The following CBLB variants were observed in gnomAD, a reference collection of about 807,000 sequenced individuals.
CBLB encodes the protein E3 ubiquitin-protein ligase CBL-B.
A neutral mutation model predicts 104.9 loss-of-function variants in CBLB; 31 were observed. The ratio of observed to expected loss-of-function variants is 0.30; its 90% CI spans 0.22 to 0.40. The LOEUF is 0.40. Among genes scored for constraint, CBLB ranks in the 10% least tolerant of loss-of-function variants. The pLI, the probability that CBLB is intolerant of heterozygous loss-of-function variation, is 1.00. For synonymous variants in CBLB, 440 were observed against 422.6 expected (o/e 1.04, Z -0.51); for missense variants, 1,062 against 1,214.6 (o/e 0.87, Z 1.87).
chr3:105,836,237 C>T (rs2088472052), intron 3 of CBLB, among the ~76,000 whole-genome samples: 1 of 152,150 alleles, frequency 6.6e-6, no homozygotes, highest in South Asian at 2.1e-4. Flanking sequence ...TTTCTGAAAT[C>T]AAAAGATCCT....
intron 2 of CBLB, among the ~76,000 whole-genome samples, chr3:105,856,603 A>C (rs1044056444): frequency 1.3e-5 from 2 of 151,952 alleles, no homozygotes; most frequent in African/African-American, 4.8e-5. Flanking sequence ...TTTTTTTCAC[A>C]AATAGTTTGA....
intron 10 of CBLB, among the ~76,000 whole-genome samples, chr3:105,709,153 T>A (rs180956411): frequency 6.6e-6 from 1 of 152,098 alleles, no homozygotes; most frequent in Non-Finnish European, 1.5e-5. Context: ...CTTGGATTAT[T>A]TGCTATTATT....
chr3:105,868,660 G>A, intron 1 of CBLB, 76 bp downstream of exon 1: 1 of 953,694 alleles, frequency 1.0e-6, no homozygotes. Context: ...TTCCTCCTTG[G>A]CCCGCGCCTG....
Position 105,679,113 on chromosome 3 carries a change from C to T in CBLB, c.2429-542G>A, listed in dbSNP as rs966472185. Among the ~76,000 whole-genome samples, 3 of 151,874 alleles carry T rather than the reference C, an allele frequency of 2.0e-5. No individual in the cohort carries two copies. The South Asian group carries it at 6.2e-4, about 32-fold the overall frequency. On this transcript the variant is annotated intron_variant, in intron 16 of 18. Transcript: ENST00000394030. ...ATATTTGATATGCTGTCAAAATATA[C>T]ATAAAATGTACCTAGAGCAGAGAAT... is the stretch of plus-strand genomic sequence containing the variant.
At chr3:105,865,904 G>C (rs1444998460) in intron 2 of CBLB, among the ~76,000 whole-genome samples, 2 of 152,060 alleles carry the variant, frequency 1.3e-5, no homozygotes, top group Non-Finnish European at 2.9e-5. Flanking sequence ...CAGTGAGAGT[G>C]ACCTTCAAAT....
At chr3:105,802,062 A>C (rs2082941416) in intron 3 of CBLB, among the ~76,000 whole-genome samples, 1 of 152,336 alleles carries the variant, frequency 6.6e-6, no homozygotes, top group Non-Finnish European at 1.5e-5. Flanking sequence ...CACTGTAATA[A>C]CCTTCAAGAA....
At chr3:105,812,567 A>G (rs1419819376) in intron 3 of CBLB, among the ~76,000 whole-genome samples, 1 of 152,214 alleles carries the variant, frequency 6.6e-6, no homozygotes, top group East Asian at 1.9e-4. Context: ...AGTAGAAATG[A>G]GCAAGGGCAA....
intron 1 of CBLB, 147 bp from the exon 2 acceptor site, chr3:105,867,738 G>C: frequency 1.4e-6 from 1 of 702,280 alleles, no homozygotes; most frequent in Non-Finnish European, 2.5e-6. Context: ...TTATCAATAA[G>C]CTTGTGAATT....
At chr3:105,832,684 C>A (rs559281188) in intron 3 of CBLB, among the ~76,000 whole-genome samples, 1 of 152,290 alleles carries the variant, frequency 6.6e-6, no homozygotes, top group African/African-American at 2.4e-5. Flanking sequence ...AAGCTCTTGT[C>A]CATATAAAGG....
chr3:105,777,328 G>A (rs549747213), intron 3 of CBLB, among the ~76,000 whole-genome samples: 49 of 152,300 alleles, frequency 3.2e-4, no homozygotes, highest in African/African-American at 1.2e-3. Context: ...CTCATTAAGA[G>A]GTACTGCTAT....
intron 3 of CBLB, among the ~76,000 whole-genome samples, chr3:105,811,985 G>A (rs1168486122): frequency 6.6e-6 from 1 of 152,114 alleles, no homozygotes; most frequent in Non-Finnish European, 1.5e-5. Context: ...TTACAGGCAT[G>A]AGCCACCGCA....
chr3:105,819,414 G>C (rs1038065544), intron 3 of CBLB, among the ~76,000 whole-genome samples: 1 of 151,888 alleles, frequency 6.6e-6, no homozygotes, highest in Non-Finnish European at 1.5e-5. Flanking sequence ...TTGAACCCAG[G>C]AGGAGGAAGT....
chr3:105,722,214 A>AAAAAAAAAAAAAAAAG (rs1553744289), intron 9 of CBLB, among the ~76,000 whole-genome samples: 2 of 150,502 alleles, frequency 1.3e-5, no homozygotes, highest in Non-Finnish European at 3.0e-5. Flanking sequence ...AAAAAAAAAA[A>AAAAAAAAAAAAAAAAG]AAAAGAAAAG....
chr3:105,851,123 G>A lies in CBLB; in HGVS notation c.419+2291C>T, dbSNP rs910599599. On this transcript the variant is annotated intron_variant, in intron 3 of 18. Coordinates refer to ENST00000394030, the MANE Select transcript of CBLB (RefSeq NM_170662.5). ...ATACATGATTACCCAAAAAATGGAA[G>A]CAACCGAGATGTACTTCAAGGTGTG... Among the ~76,000 whole-genome samples, 12 of 152,118 alleles carry A rather than the reference G, an allele frequency of 7.9e-5. 1 individual carries two copies. Among genetic ancestry groups the A allele is most frequent in the African/African-American group, 2.9e-4 (12 of 41,420 alleles).
At chr3:105,683,872 TAAC>T (rs1207007597) in intron 14 of CBLB, among the ~76,000 whole-genome samples, 1 of 152,220 alleles carries the variant, frequency 6.6e-6, no homozygotes, top group Non-Finnish European at 1.5e-5. Flanking sequence ...TGTAGACTAT[TAAC>T]AATTCTGGGT....
chr3:105,741,067 C>T (rs1195271672), intron 6 of CBLB, among the ~76,000 whole-genome samples: 2 of 141,626 alleles, frequency 1.4e-5, no homozygotes, highest in Non-Finnish European at 3.1e-5. Context: ...TCAATATATT[C>T]CTTTGTAATT....
chr3:105,764,306 G>A (rs144816396), intron 4 of CBLB, among the ~76,000 whole-genome samples: 7 of 152,290 alleles, frequency 4.6e-5, no homozygotes, highest in Admixed American at 3.9e-4. Context: ...AGATGTCCAG[G>A]AAAGGATTGT....
chr3:105,797,456 G>C (rs979270022), intron 3 of CBLB, among the ~76,000 whole-genome samples: 16 of 148,822 alleles, frequency 1.1e-4, no homozygotes, highest in African/African-American at 3.7e-4. Flanking sequence ...GTGAAGGGCA[G>C]GAGGAGAGAG....
At chr3:105,732,161 C>T (rs1251197867) in intron 9 of CBLB, among the ~76,000 whole-genome samples, 8 of 152,192 alleles carry the variant, frequency 5.3e-5, no homozygotes, top group Non-Finnish European at 1.0e-4. Flanking sequence ...ATCAGGTACA[C>T]CAATCCTAAG....
Sources: allele counts gnomAD v4.1 joint callset (sites outside exome capture counted in the v4.1 genomes callset), GRCh38; gene constraint gnomAD v4.1.1; transcripts MANE v1.5; gene names NCBI Gene and HGNC (gene_info 2026-07-23, HGNC 2026-07-21).